The following PDE6C variants were observed in gnomAD, a reference collection of about 807,000 sequenced individuals.
PDE6C encodes cone cGMP-specific 3',5'-cyclic phosphodiesterase subunit alpha'.
PDE6C carries 75 observed loss-of-function variants against 113.1 expected under a neutral mutation model. That is an observed-to-expected ratio of 0.66 (90% CI 0.55 to 0.80). The LOEUF is 0.80. Among genes scored for constraint, PDE6C ranks in the 30% least tolerant of loss-of-function variants. The pLI, the probability that PDE6C is intolerant of heterozygous loss-of-function variation, is 0.00. For missense variants in PDE6C, 912 were observed against 1,038.6 expected (o/e 0.88, Z 1.67); for synonymous variants, 375 against 363.7 (o/e 1.03, Z -0.35).
chr10:93,650,791 G>C (rs1589702950), intron 15 of PDE6C, among the ~76,000 whole-genome samples: 1 of 152,102 alleles, frequency 6.6e-6, no homozygotes, highest in African/African-American at 2.4e-5. Flanking sequence ...ACATTTTTAA[G>C]CTATATGTGT....
intron 15 of PDE6C, among the ~76,000 whole-genome samples, chr10:93,651,158 C>T (rs1405087845): frequency 6.6e-6 from 1 of 152,148 alleles, no homozygotes; most frequent in African/African-American, 2.4e-5. Flanking sequence ...AATTACTCAT[C>T]CCTGAGTGGA....
At position 93,615,807 on chromosome 10, in the gene PDE6C, A is replaced by T. The variant is rs76064434; in HGVS notation, c.480+2602A>T. 2.6e-4 allele frequency among the ~76,000 whole-genome samples: 40 copies of T among 152,332 alleles called. No homozygotes were observed. In the East Asian group the frequency reaches 7.7e-3, roughly 29 times the overall value. ...GTGAATTTCAAATCAGCTGTGGAAT[A>T]TTAGAGATGGAAGGGGCTTATGAAG... On this transcript the variant is annotated intron_variant, in intron 1 of 21. Coordinates refer to ENST00000371447, the MANE Select transcript of PDE6C (RefSeq NM_006204.4).
chr10:93,620,997 A>AT lies in PDE6C; in HGVS notation c.723+19dup, dbSNP rs1200911444. 9 of 1,597,338 alleles carry AT rather than the reference A, an allele frequency of 5.6e-6. No individual in the cohort carries two copies. Among genetic ancestry groups the AT allele is most frequent in the Non-Finnish European group, 6.9e-6 (8 of 1,164,808 alleles). On this transcript the variant is annotated intron_variant, in intron 3 of 21. Coordinates refer to ENST00000371447, the MANE Select transcript of PDE6C (RefSeq NM_006204.4). Reference sequence around the variant, plus strand: ...AGAAGCCAGGTAAAAGGAAGGCAGCATTAGTCATTCCATGCTGACCTATTC... The same window carrying AT: ...AGAAGCCAGGTAAAAGGAAGGCAGCATTTAGTCATTCCATGCTGACCTATTC...
Position 93,655,770 on chromosome 10 carries a change from T to C in PDE6C, c.1946T>C (p.Ile649Thr), listed in dbSNP as rs786205463. 1 of 1,588,814 alleles carries C rather than the reference T, an allele frequency of 6.3e-7. No individual in the cohort carries two copies. The highest frequency in any genetic ancestry group is 8.6e-7 in the Non-Finnish European group (1 of 1,157,028). Reference sequence around the variant, plus strand: ...ATTTTCATCTTACAGAGTTTAAACATCTTCCAGAACCTAAATAAGCGGCAG... The same window carrying C: ...ATTTTCATCTTACAGAGTTTAAACACCTTCCAGAACCTAAATAAGCGGCAG... ...KTLLQDESLN[I>T]FQNLNKRQFE... The change falls in exon 16 of 22, where the codon ATC becomes ACC. Residue 649 changes from isoleucine (I) to threonine (T), a missense_variant. By Grantham distance (89) the Ile-to-Thr change is moderately conservative. Transcript: ENST00000371447.
chr10:93,644,973 G>A (rs1483657058), intron 14 of PDE6C, among the ~76,000 whole-genome samples: 1 of 138,618 alleles, frequency 7.2e-6, no homozygotes, highest in Non-Finnish European at 1.6e-5. Context: ...ATGAAATCTT[G>A]TCATTTGCAG....
chr10:93,616,415 A>G (rs1321097035), intron 1 of PDE6C, among the ~76,000 whole-genome samples: 1 of 152,168 alleles, frequency 6.6e-6, no homozygotes, highest in African/African-American at 2.4e-5. Context: ...GACCTGGGTG[A>G]AGATCCATGT....
chr10:93,640,351 T>G, intron 12 of PDE6C, 99 bp from the exon 13 acceptor site: 1 of 1,235,114 alleles, frequency 8.1e-7, no homozygotes, highest in South Asian at 1.2e-5. Flanking sequence ...GCTTAACCCC[T>G]ATCTACAAGA....
chr10:93,647,168 C>T (rs77601166), intron 15 of PDE6C, among the ~76,000 whole-genome samples: 1 of 152,102 alleles, frequency 6.6e-6, no homozygotes, highest in Non-Finnish European at 1.5e-5. Flanking sequence ...TTCTTAAGAA[C>T]GTTCCAAACC....
rs1428224722 is a variant in PDE6C at position 93,621,959 on chromosome 10, T to C, written c.751T>C (p.Phe251Leu). 1 of 1,613,958 alleles carries C rather than the reference T, an allele frequency of 6.2e-7. No homozygotes were observed. Among genetic ancestry groups the C allele is most frequent in the Non-Finnish European group, 8.5e-7 (1 of 1,180,006 alleles). ...CCTTATGTGGTCAGCCAATAAAGTA[T>C]TTGAAGAACTCACAGATGTTGAGCG... ...QILMWSANKV[F>L]EELTDVERQF... Residue 251 changes from phenylalanine to leucine, a missense_variant, in exon 4 of 22, where the codon TTT (phenylalanine) becomes CTT (leucine). Transcript: ENST00000371447.
chr10:93,635,753 G>A (rs888377765), intron 10 of PDE6C, 113 bp downstream of exon 10: 2 of 1,123,622 alleles, frequency 1.8e-6, no homozygotes, highest in Non-Finnish European at 2.7e-6. Context: ...CCTGGGCTGA[G>A]AGAGAGAGAC....
chr10:93,659,205 A>AG, intron 18 of PDE6C, 38 bp downstream of exon 18: 1 of 1,357,088 alleles, frequency 7.4e-7, no homozygotes, highest in Non-Finnish European at 1.1e-6. Context: ...TCACACTGTC[A>AG]GGTACTGCCT....
At chr10:93,656,596 G>T (rs967376000) in intron 16 of PDE6C, among the ~76,000 whole-genome samples, 5 of 151,654 alleles carry the variant, frequency 3.3e-5, no homozygotes, top group African/African-American at 1.2e-4. Flanking sequence ...TATTATACAG[G>T]TCTCACTCTG....
intron 16 of PDE6C, 49 bp from the exon 17 acceptor site, chr10:93,658,852 C>G: frequency 9.2e-7 from 1 of 1,091,732 alleles, no homozygotes; most frequent in South Asian, 1.3e-5. Context: ...GATATTTTTT[C>G]TCTCTTTTCA....
intron 10 of PDE6C, among the ~76,000 whole-genome samples, chr10:93,636,753 T>C (rs1006402396): frequency 1.7e-4 from 26 of 152,136 alleles, no homozygotes; most frequent in African/African-American, 6.0e-4. Context: ...ATGGAACTCA[T>C]TGTAGTATAT....
chr10:93,663,520 A>T (rs555912647), intron 21 of PDE6C, among the ~76,000 whole-genome samples: 2 of 152,146 alleles, frequency 1.3e-5, no homozygotes, highest in African/African-American at 4.8e-5. Flanking sequence ...AGGTGAGAAA[A>T]AAGTTTTTGT....
At chr10:93,644,220 T>C (rs1334019153) in intron 14 of PDE6C, among the ~76,000 whole-genome samples, 2 of 152,228 alleles carry the variant, frequency 1.3e-5, no homozygotes, top group African/African-American at 2.4e-5. Flanking sequence ...TTATGGGCGA[T>C]GTCCAGAAGA....
In PDE6C at chr10:93,635,500, C is replaced by T. The variant is rs867462630; in HGVS notation, c.1273C>T (p.Leu425Phe). The change falls in exon 10 of 22, where the codon CTC (leucine) becomes TTC (phenylalanine). Residue 425 changes from leucine (L) to phenylalanine (F), a missense_variant. By Grantham distance (22) the Leu-to-Phe change is conservative. Transcript: ENST00000371447. ...DEHDEYITET[L>F]TQFLGWSLLN... ...AATCACCTTTTATCCATTTCAGACT[C>T]TCACACAATTTCTTGGATGGTCTCT... The T allele has an allele frequency of 1.2e-6, 2 of 1,611,502 alleles. No homozygotes were observed. The highest frequency in any genetic ancestry group is 1.3e-5 in the African/African-American group (1 of 74,992).
rs752963712 is a variant in PDE6C, at chr10:93,640,953, G to T, written c.1771G>T (p.Glu591Ter). 1.2e-6 allele frequency: 2 copies of T among 1,612,234 alleles called. No individual in the cohort carries two copies. The highest frequency in any genetic ancestry group is 2.7e-5 in the African/African-American group (2 of 74,850). ...GRLKKYYTDL[E>*]AFAMLAAAFC... ...ATTAAAGAAGTACTACACAGATCTC[G>T]AAGCCTTTGCCATGCTTGCTGCTGC... Residue 591 changes from glutamate to a stop codon, truncating the protein, a stop_gained, in exon 14 of 22, where the codon GAA (glutamate) becomes TAA (stop). Transcript: ENST00000371447. LOFTEE classifies it high-confidence loss of function.
At chr10:93,657,437 G>A (rs1051417778) in intron 16 of PDE6C, among the ~76,000 whole-genome samples, 1 of 146,700 alleles carries the variant, frequency 6.8e-6, no homozygotes, top group African/African-American at 2.5e-5. Flanking sequence ...ACCCACCTTG[G>A]CCTCCCAAAA....
Sources: gnomAD v4.1 joint callset for allele counts (sites outside exome capture counted in the v4.1 genomes callset) on GRCh38, gnomAD v4.1.1 for gene constraint, MANE v1.5 for transcripts, NCBI Gene and HGNC (gene_info 2026-07-23, HGNC 2026-07-21) for gene names.